The following LRMDA variants were observed in gnomAD, a reference collection of about 807,000 sequenced individuals.
LRMDA encodes the protein leucine rich melanocyte differentiation associated.
In LRMDA, 18 loss-of-function variants were observed where a neutral mutation model predicts 29.8. The observed-to-expected ratio is 0.60, with a 90% CI of 0.42 to 0.90. The LOEUF is 0.90. LRMDA is among the 40% of genes least tolerant of loss of function. LRMDA has a pLI of 0.00. For synonymous variants in LRMDA, 125 were observed against 109.4 expected, an observed-to-expected ratio of 1.14 and a Z score of -0.89; for missense variants, 273 against 273.9, an observed-to-expected ratio of 1.00 and a Z score of 0.02.
At chr10:76,219,471 C>G (rs1194980775) in intron 5 of LRMDA, among the ~76,000 whole-genome samples, 1 of 152,150 alleles carries the variant, frequency 6.6e-6, no homozygotes, top group Non-Finnish European at 1.5e-5. Context: ...CAATCCTAGT[C>G]TCTGATAAAA....
At chr10:75,841,261 C>G (rs950713872) in intron 2 of LRMDA, among the ~76,000 whole-genome samples, 2 of 152,232 alleles carry the variant, frequency 1.3e-5, no homozygotes, top group African/African-American at 4.8e-5. Context: ...TTCTCACTCT[C>G]AAGTGCAGCA....
intron 2 of LRMDA, among the ~76,000 whole-genome samples, chr10:75,583,148 A>G (rs1156678645): frequency 6.6e-6 from 1 of 151,768 alleles, no homozygotes; most frequent in East Asian, 1.9e-4. Context: ...CACTCTCCCA[A>G]CCTCTGGCTG....
intron 2 of LRMDA, among the ~76,000 whole-genome samples, chr10:75,913,311 G>A (rs1424689839): frequency 6.6e-6 from 1 of 152,098 alleles, no homozygotes; most frequent in Non-Finnish European, 1.5e-5. Flanking sequence ...ACAAAAATTA[G>A]TCATGCATGG....
intron 2 of LRMDA, 98 bp downstream of exon 2, chr10:75,438,592 C>A: frequency 2.3e-6 from 2 of 878,520 alleles, no homozygotes; most frequent in Non-Finnish European, 3.6e-6. Flanking sequence ...TCCAACTCCA[C>A]ATGGGTTGTC....
intron 2 of LRMDA, among the ~76,000 whole-genome samples, chr10:76,010,478 A>G (rs566332028): frequency 7.2e-5 from 11 of 151,928 alleles, no homozygotes; most frequent in South Asian, 4.2e-4. Context: ...ATGCCTGGCT[A>G]ATTTTTTGTA....
chr10:76,193,513 A>T (rs914651558), intron 5 of LRMDA, among the ~76,000 whole-genome samples: 1 of 152,170 alleles, frequency 6.6e-6, no homozygotes, highest in African/African-American at 2.4e-5. Flanking sequence ...AGGCTCTTTT[A>T]GAATATTGAG....
chr10:75,464,062 A>G (rs1844623581), intron 2 of LRMDA, among the ~76,000 whole-genome samples: 1 of 152,306 alleles, frequency 6.6e-6, no homozygotes, highest in South Asian at 2.1e-4. Flanking sequence ...TCGGCCTCCC[A>G]AAGTGCTGGG....
chr10:76,032,292 G>C (rs1848162616), intron 2 of LRMDA, among the ~76,000 whole-genome samples: 1 of 152,116 alleles, frequency 6.6e-6, no homozygotes, highest in African/African-American at 2.4e-5. Flanking sequence ...CCTACCCATG[G>C]CCCCCCCATG....
intron 2 of LRMDA, among the ~76,000 whole-genome samples, chr10:75,749,596 T>G (rs1335544887): frequency 1.3e-5 from 2 of 151,278 alleles, no homozygotes; most frequent in Non-Finnish European, 2.9e-5. Context: ...GTTTTTTGGT[T>G]AAAAAAAAGC....
intron 5 of LRMDA, among the ~76,000 whole-genome samples, chr10:76,218,912 G>A (rs1851776708): frequency 6.6e-6 from 1 of 152,228 alleles, no homozygotes; most frequent in South Asian, 2.1e-4. Flanking sequence ...AGCAGAGGAG[G>A]TGCACAGCCT....
intron 5 of LRMDA, among the ~76,000 whole-genome samples, chr10:76,127,877 A>G (rs1363727084): frequency 6.6e-6 from 1 of 152,196 alleles, no homozygotes; most frequent in African/African-American, 2.4e-5. Context: ...ACCTAAGCCT[A>G]TATGGAAAGA....
chr10:76,055,833 C>A (rs570396014), intron 4 of LRMDA, among the ~76,000 whole-genome samples: 16 of 152,360 alleles, frequency 1.1e-4, no homozygotes, highest in Middle Eastern at 3.4e-3. Flanking sequence ...ATGCCAGGAA[C>A]CACAGAGCCC....
intron 6 of LRMDA, among the ~76,000 whole-genome samples, chr10:76,389,302 G>A (rs150185848): frequency 2.0e-5 from 3 of 152,162 alleles, no homozygotes; most frequent in African/African-American, 7.2e-5. Flanking sequence ...GAATGGTGAG[G>A]CTGGAGAGAT....
intron 5 of LRMDA, among the ~76,000 whole-genome samples, chr10:76,068,240 C>G (rs1848817562): frequency 6.6e-6 from 1 of 152,146 alleles, no homozygotes; most frequent in Non-Finnish European, 1.5e-5. Context: ...TAAAAGAAAA[C>G]TCATGTAAGC....
intron 2 of LRMDA, among the ~76,000 whole-genome samples, chr10:75,712,449 G>A (rs1279183105): frequency 6.6e-6 from 1 of 151,974 alleles, no homozygotes; most frequent in Non-Finnish European, 1.5e-5. Flanking sequence ...GGGCGGTTGG[G>A]GGGGTGGTGT....
chr10:75,859,453 A>G (rs1241674592), intron 2 of LRMDA, among the ~76,000 whole-genome samples: 1 of 151,874 alleles, frequency 6.6e-6, no homozygotes, highest in African/African-American at 2.4e-5. Context: ...TACAATTTTC[A>G]TTTTCCTGCC....
intron 2 of LRMDA, among the ~76,000 whole-genome samples, chr10:75,827,308 A>T (rs760514461): frequency 2.0e-5 from 3 of 152,302 alleles, no homozygotes; most frequent in Non-Finnish European, 4.4e-5. Flanking sequence ...TGGAGGTGGC[A>T]CTTCACTAAG....
intron 2 of LRMDA, among the ~76,000 whole-genome samples, chr10:75,745,000 C>T (rs1276452092): frequency 6.6e-6 from 1 of 152,200 alleles, no homozygotes; most frequent in East Asian, 1.9e-4. Flanking sequence ...CCACACTGTG[C>T]ACGTCCCCAA....
chr10:75,830,866 C>A (rs908407283), intron 2 of LRMDA, among the ~76,000 whole-genome samples: 2 of 152,174 alleles, frequency 1.3e-5, no homozygotes, highest in African/African-American at 4.8e-5. Flanking sequence ...AAAGTCTCAT[C>A]TGAGACAAGG....
Sources: gnomAD v4.1 joint callset for allele counts (sites outside exome capture counted in the v4.1 genomes callset) on GRCh38, gnomAD v4.1.1 for gene constraint, MANE v1.5 for transcripts, NCBI Gene and HGNC (gene_info 2026-07-23, HGNC 2026-07-21) for gene names.